Variants in PTPRD observed in about 807,000 individuals in gnomAD.
PTPRD encodes receptor-type tyrosine-protein phosphatase delta.
A neutral mutation model predicts 214.5 loss-of-function variants in PTPRD; 34 were observed. That is an observed-to-expected ratio of 0.16 (90% CI 0.12 to 0.21). The LOEUF (loss-of-function observed/expected upper bound fraction) is 0.21, where lower values mean the gene tolerates loss of function less well. Among genes scored for constraint, PTPRD ranks in the 10% least tolerant of loss-of-function variants. The pLI, the probability that PTPRD is intolerant of heterozygous loss-of-function variation, is 1.00. For missense variants in PTPRD, 2,545 were observed against 2,398.7 expected (o/e 1.06, Z -1.27); for synonymous variants, 1,128 against 845.7 (o/e 1.33, Z -5.79).
chr9:8,499,537 T>C, intron 25 of PTPRD, 110 bp downstream of exon 25: 1 of 1,124,748 alleles, frequency 8.9e-7, no homozygotes, highest in Non-Finnish European at 1.3e-6. Context: ...AACTAGAATT[T>C]TGTATAGGAT....
chr9:8,639,169 G>A (rs1047663666), intron 12 of PTPRD, among the ~76,000 whole-genome samples: 3 of 152,198 alleles, frequency 2.0e-5, no homozygotes, highest in African/African-American at 7.2e-5. Context: ...GACTAACAGT[G>A]AGAGGATTAC....
chr9:10,287,188 T>C (rs1458833290), intron 3 of PTPRD, among the ~76,000 whole-genome samples: 1 of 152,104 alleles, frequency 6.6e-6, no homozygotes, highest in South Asian at 2.1e-4. Context: ...GGACCAAAGG[T>C]AAAAATTGAC....
chr9:9,477,662 C>A (rs1355655745), intron 8 of PTPRD, among the ~76,000 whole-genome samples: 1 of 152,130 alleles, frequency 6.6e-6, no homozygotes, highest in African/African-American at 2.4e-5. Flanking sequence ...GTGCAAGGAA[C>A]TACTACTGGA....
chr9:9,001,001 C>T (rs766255756), intron 11 of PTPRD, among the ~76,000 whole-genome samples: 5 of 151,920 alleles, frequency 3.3e-5, no homozygotes, highest in African/African-American at 9.7e-5. Flanking sequence ...ACCCATCCAT[C>T]GAACAGCCAT....
intron 5 of PTPRD, among the ~76,000 whole-genome samples, chr9:9,868,665 C>A (rs145654913): frequency 3.3e-4 from 50 of 151,760 alleles, no homozygotes; most frequent in African/African-American, 1.1e-3. Context: ...TGGCTAGTTT[C>A]AAGCAGGGTA....
intron 3 of PTPRD, among the ~76,000 whole-genome samples, chr9:10,208,498 A>G (rs1401523014): frequency 1.3e-5 from 2 of 152,182 alleles, no homozygotes; most frequent in Non-Finnish European, 2.9e-5. Flanking sequence ...TGGGCGACAG[A>G]GCGAGACTGC....
chr9:8,336,616 G>A (rs576308342), intron 43 of PTPRD, among the ~76,000 whole-genome samples: 1 of 128,386 alleles, frequency 7.8e-6, no homozygotes, highest in Admixed American at 8.5e-5. Flanking sequence ...AAACTAAAGA[G>A]CTTCTGCAGA....
At chr9:8,642,212 A>C (rs2096592046) in intron 12 of PTPRD, among the ~76,000 whole-genome samples, 1 of 152,248 alleles carries the variant, frequency 6.6e-6, no homozygotes. Flanking sequence ...TGAAGAGACA[A>C]AATGAGGGTG....
chr9:9,773,492 C>G lies in PTPRD; in HGVS notation c.-367-6641G>C, dbSNP rs12686662. ...CTCATTTGGAGGATCAAAAGGTAATCTTCCTTAATTCTCTAAGAGAGGTAT... is the reference window on the plus strand; with the variant it reads ...CTCATTTGGAGGATCAAAAGGTAATGTTCCTTAATTCTCTAAGAGAGGTAT... On this transcript the variant is annotated intron_variant, in intron 5 of 45. Coordinates refer to ENST00000381196, the MANE Select transcript of PTPRD (RefSeq NM_002839.4). 0.033 allele frequency among the ~76,000 whole-genome samples: 4,978 copies of G among 152,196 alleles called. 545 individuals are homozygous for G. The East Asian group carries it at 0.39, about 12-fold the overall frequency.
intron 2 of PTPRD, among the ~76,000 whole-genome samples, chr9:10,599,064 T>C (rs2077337754): frequency 6.6e-6 from 1 of 151,792 alleles, no homozygotes; most frequent in East Asian, 2.0e-4. Flanking sequence ...CTAGGTTCAA[T>C]GGCACTGACA....
At chr9:9,519,889 G>C (rs2096924377) in intron 8 of PTPRD, among the ~76,000 whole-genome samples, 1 of 152,054 alleles carries the variant, frequency 6.6e-6, no homozygotes, top group African/African-American at 2.4e-5. Context: ...GGCTGGAAAA[G>C]CCTTGCTCCA....
chr9:8,727,679 CAG>C (rs2154429046), intron 12 of PTPRD, among the ~76,000 whole-genome samples: 1 of 151,972 alleles, frequency 6.6e-6, no homozygotes, highest in African/African-American at 2.4e-5. Flanking sequence ...TGTTTTGAGA[CAG>C]AGTCTCTCTC....
intron 35 of PTPRD, among the ~76,000 whole-genome samples, chr9:8,435,740 T>C (rs1049641944): frequency 5.4e-5 from 8 of 148,694 alleles, no homozygotes; most frequent in African/African-American, 2.0e-4. Flanking sequence ...CGCACGCACG[T>C]GCATACACAC....
intron 14 of PTPRD, among the ~76,000 whole-genome samples, chr9:8,573,282 G>A (rs2091619661): frequency 6.6e-6 from 1 of 151,862 alleles, no homozygotes; most frequent in Non-Finnish European, 1.5e-5. Context: ...GAAAGGTATT[G>A]GTGCTACTAA....
intron 6 of PTPRD, among the ~76,000 whole-genome samples, chr9:9,760,350 G>A (rs2098641322): frequency 6.6e-6 from 1 of 151,990 alleles, no homozygotes; most frequent in Admixed American, 6.6e-5. Flanking sequence ...GGAAATAGAA[G>A]AGTATTTATT....
intron 11 of PTPRD, among the ~76,000 whole-genome samples, chr9:8,880,491 G>T (rs2098436483): frequency 6.6e-6 from 1 of 152,060 alleles, no homozygotes; most frequent in South Asian, 2.1e-4. Context: ...TATTTTTATT[G>T]AGTAAAATTC....
At chr9:8,975,973 G>A (rs555058606) in intron 11 of PTPRD, among the ~76,000 whole-genome samples, 1 of 152,052 alleles carries the variant, frequency 6.6e-6, no homozygotes, top group African/African-American at 2.4e-5. Context: ...ATCCCTCATA[G>A]TTGTACATTT....
intron 4 of PTPRD, among the ~76,000 whole-genome samples, chr9:9,986,576 G>A (rs999971527): frequency 1.3e-5 from 2 of 152,098 alleles, no homozygotes; most frequent in South Asian, 2.1e-4. Context: ...GGGGCAATGA[G>A]AGGCTTGTAT....
intron 4 of PTPRD, among the ~76,000 whole-genome samples, chr9:9,986,968 A>T (rs1183763622): frequency 6.6e-6 from 1 of 152,182 alleles, no homozygotes; most frequent in Admixed American, 6.6e-5. Flanking sequence ...TTTCCTGAAC[A>T]GGAATAACTT....
Sources: allele counts gnomAD v4.1 joint callset (sites outside exome capture counted in the v4.1 genomes callset), GRCh38; gene constraint gnomAD v4.1.1; transcripts MANE v1.5; gene names NCBI Gene and HGNC (gene_info 2026-07-23, HGNC 2026-07-21).